Variants in AGBL1 observed in about 807,000 individuals in gnomAD.
The protein encoded by AGBL1 is cytosolic carboxypeptidase 4.
A neutral mutation model predicts 118.9 loss-of-function variants in AGBL1; 130 were observed. The ratio of observed to expected loss-of-function variants is 1.09; its 90% CI spans 0.95 to 1.26. The LOEUF (loss-of-function observed/expected upper bound fraction) is 1.26, where lower values mean the gene tolerates loss of function less well. Ranked by LOEUF, AGBL1 falls within the 50% of genes most tolerant of loss-of-function variation. The probability of loss-of-function intolerance (pLI) is 0.00; values close to 1 mark genes in which losing one functional copy is unlikely to be tolerated. For synonymous variants in AGBL1, 555 were observed against 478.9 expected (o/e 1.16, Z -2.08); for missense variants, 1,584 against 1,298.1 (o/e 1.22, Z -3.38).
chr15:86,459,462 C>A (rs542886078), intron 18 of AGBL1, among the ~76,000 whole-genome samples: 2 of 152,254 alleles, frequency 1.3e-5, no homozygotes, highest in East Asian at 3.9e-4. Flanking sequence ...GTGATTAAAT[C>A]TTTATTCAAT....
In AGBL1 at chr15:86,597,414, G is replaced by C. The variant is rs79820689; in HGVS notation, c.2994+42877G>C. Among the ~76,000 whole-genome samples the C allele has an allele frequency of 6.5e-3, 984 of 152,250 alleles. 10 individuals carry two copies. The highest frequency in any genetic ancestry group is 0.022 in the African/African-American group (920 of 41,548). ...TAGTGGTAGCTTGAAATTGGCCATG[G>C]TATGGGTATTTATACCAGAGAAATT... On this transcript the variant is annotated intron_variant, in intron 21 of 22. Coordinates refer to ENST00000614907, the MANE Select transcript of AGBL1 (RefSeq NM_001386094.1).
chr15:86,331,358 C>G (rs1283161875), intron 17 of AGBL1, among the ~76,000 whole-genome samples: 1 of 151,678 alleles, frequency 6.6e-6, no homozygotes, highest in Non-Finnish European at 1.5e-5. Flanking sequence ...AAGAAAAAAG[C>G]AACAACCTGG....
At chr15:86,924,931 T>A (rs919921992) in intron 23 of AGBL1, among the ~76,000 whole-genome samples, 3 of 151,432 alleles carry the variant, frequency 2.0e-5, no homozygotes. Context: ...AAAAATTAAA[T>A]TAAAAAATTT....
chr15:86,121,916 T>C (rs1396316331), intron 1 of AGBL1, among the ~76,000 whole-genome samples: 1 of 152,200 alleles, frequency 6.6e-6, no homozygotes, highest in Non-Finnish European at 1.5e-5. Context: ...TGAAACAAAT[T>C]TGGCTTTTTG....
At chr15:86,099,540 ATTT>A (rs539242604) in intron 1 of AGBL1, among the ~76,000 whole-genome samples, 3 of 130,614 alleles carry the variant, frequency 2.3e-5, no homozygotes, top group Admixed American at 7.7e-5. Context: ...GTGGATGCCT[ATTT>A]TTTTTTTTTT....
rs775329101 is a variant in AGBL1 at position 86,674,454 on chromosome 15, G to C, written c.3158+18G>C. The stretch of plus-strand genomic sequence containing the variant: ...CTCCAACGGTAAGATGCTCCCAAGG[G>C]CTCAGAGAAATTTGGACCTTGGTGG... On this transcript the variant is annotated intron_variant, in intron 22 of 22. Coordinates refer to ENST00000614907, the MANE Select transcript of AGBL1 (RefSeq NM_001386094.1). 1.3e-6 allele frequency: 2 copies of C among 1,591,606 alleles called. No individual in the cohort carries two copies.
chr15:86,783,800 T>C (rs568452785), intron 22 of AGBL1, among the ~76,000 whole-genome samples: 15 of 152,128 alleles, frequency 9.9e-5, no homozygotes, highest in African/African-American at 3.1e-4. Context: ...TGGCTAATTG[T>C]TTGTATTTTT....
chr15:86,497,103 CTCTT>C (rs1567024971), intron 18 of AGBL1, among the ~76,000 whole-genome samples: 1 of 151,986 alleles, frequency 6.6e-6, no homozygotes, highest in Non-Finnish European at 1.5e-5. Flanking sequence ...CCATCAAACA[CTCTT>C]TCTCATCTTC....
intron 22 of AGBL1, among the ~76,000 whole-genome samples, chr15:86,792,544 A>G (rs1299633720): frequency 6.6e-6 from 1 of 152,166 alleles, no homozygotes; most frequent in Non-Finnish European, 1.5e-5. Flanking sequence ...TTATGAAGAA[A>G]TTTGTTGGAG....
chr15:86,840,053 T>G (rs977795271), intron 22 of AGBL1, among the ~76,000 whole-genome samples: 5 of 152,220 alleles, frequency 3.3e-5, no homozygotes, highest in Non-Finnish European at 5.9e-5. Context: ...ATATTTTTAT[T>G]GGGAGAGAAA....
At chr15:86,102,143 CG>C (rs1349302619) in intron 1 of AGBL1, among the ~76,000 whole-genome samples, 1 of 151,774 alleles carries the variant, frequency 6.6e-6, no homozygotes, top group Non-Finnish European at 1.5e-5. Context: ...CAGGTTCAAG[CG>C]ATCCGCTCAC....
intron 22 of AGBL1, among the ~76,000 whole-genome samples, chr15:86,820,518 A>G (rs2078925511): frequency 6.6e-6 from 1 of 152,250 alleles, no homozygotes; most frequent in South Asian, 2.1e-4. Flanking sequence ...AAGTGGGAGA[A>G]GGATATGAAC....
Position 86,567,243 on chromosome 15 carries a change from G to A in AGBL1, c.2994+12706G>A, listed in dbSNP as rs2083930283. Among the ~76,000 whole-genome samples the A allele has an allele frequency of 1.3e-5, 2 of 152,180 alleles. 1 individual carries two copies. Among genetic ancestry groups the A allele is most frequent in the South Asian group, 4.1e-4 (2 of 4,828 alleles). ...TGAAGTGTAATATACAGCCAGGGTTGAGAACCACAGATTTTGGCTTTCATA... is the reference window on the plus strand; with the variant it reads ...TGAAGTGTAATATACAGCCAGGGTTAAGAACCACAGATTTTGGCTTTCATA... On this transcript the variant is annotated intron_variant, in intron 21 of 22. Coordinates refer to ENST00000614907, the MANE Select transcript of AGBL1 (RefSeq NM_001386094.1).
intron 22 of AGBL1, among the ~76,000 whole-genome samples, chr15:86,814,501 AG>A (rs1373110929): frequency 6.6e-6 from 1 of 152,216 alleles, no homozygotes; most frequent in East Asian, 1.9e-4. Flanking sequence ...TTTACATAAA[AG>A]CTTGCCCACA....
intron 19 of AGBL1, among the ~76,000 whole-genome samples, chr15:86,534,263 A>C (rs1239111753): frequency 6.6e-6 from 1 of 152,180 alleles, no homozygotes; most frequent in East Asian, 1.9e-4. Flanking sequence ...TGATAGGAAC[A>C]TAGATGAAGG....
chr15:86,947,636 G>A (rs2080839571), intron 23 of AGBL1, among the ~76,000 whole-genome samples: 1 of 152,136 alleles, frequency 6.6e-6, no homozygotes, highest in South Asian at 2.1e-4. Context: ...CAACACTGAA[G>A]GAAGAAAATG....
chr15:86,087,805 A>G (rs531811819), intron 1 of AGBL1, among the ~76,000 whole-genome samples: 2 of 152,230 alleles, frequency 1.3e-5, no homozygotes, highest in Non-Finnish European at 2.9e-5. Context: ...CACCAGGTGC[A>G]TTAACTCTCT....
intron 5 of AGBL1, among the ~76,000 whole-genome samples, chr15:86,198,107 A>T (rs1003335259): frequency 3.9e-5 from 6 of 152,172 alleles, no homozygotes; most frequent in African/African-American, 7.2e-5. Context: ...ACTAGAAAGG[A>T]TTATGCTCCA....
At chr15:86,471,508 T>C (rs926822877) in intron 18 of AGBL1, among the ~76,000 whole-genome samples, 1 of 151,992 alleles carries the variant, frequency 6.6e-6, no homozygotes, top group African/African-American at 2.4e-5. Flanking sequence ...GTTTTTTTTT[T>C]TTTTTTTATA....
Sources: gnomAD v4.1 joint callset for allele counts (sites outside exome capture counted in the v4.1 genomes callset) on GRCh38, gnomAD v4.1.1 for gene constraint, MANE v1.5 for transcripts, NCBI Gene and HGNC (gene_info 2026-07-23, HGNC 2026-07-21) for gene names.